HERC1: variants seen among roughly 807,000 people sequenced by gnomAD.
HERC1 encodes the protein HECT and RLD domain containing E3 ubiquitin protein ligase family member 1.
In HERC1, 160 loss-of-function variants were observed where a neutral mutation model predicts 554.3. The ratio of observed to expected loss-of-function variants is 0.29; its 90% CI spans 0.25 to 0.33. The LOEUF (loss-of-function observed/expected upper bound fraction) is 0.33. Ranked by LOEUF, HERC1 falls within the 10% of genes least tolerant of loss-of-function variation. The probability of loss-of-function intolerance (pLI) is 1.00; values close to 1 mark genes in which losing one functional copy is unlikely to be tolerated. For synonymous variants in HERC1, 2,175 were observed against 2,131.7 expected, an observed-to-expected ratio of 1.02 and a Z score of -0.56; for missense variants, 4,919 against 5,918.5, an observed-to-expected ratio of 0.83 and a Z score of 5.54.
chr15:63,694,392 T>C lies in HERC1; in HGVS notation c.5400A>G (p.Pro1800=). The change falls in exon 29 of 78, where the codon CCA becomes CCG. Residue 1800 remains proline (P), a synonymous_variant. Coordinates refer to ENST00000443617, the MANE Select transcript of HERC1 (RefSeq NM_003922.4). This position sits in a 1 kb window ranked among gnomAD's most constrained non-coding sequence, Gnocchi z 4.3. ...TMLGQPLQLL[P]KTGVSQLSTA... is the part of the protein sequence containing the mutation. ...TGCTAAGCTGGGAAACACCCGTCTTTGGCAACAACTGCAGGGGCTGTCCTA... is the reference window on the plus strand; with the variant it reads ...TGCTAAGCTGGGAAACACCCGTCTTCGGCAACAACTGCAGGGGCTGTCCTA... 6.2e-7 allele frequency: 1 copy of C among 1,613,996 alleles called. No individual in the cohort carries two copies. Among genetic ancestry groups the C allele is most frequent in the African/African-American group, 1.3e-5 (1 of 75,054 alleles).
intron 40 of HERC1, among the ~76,000 whole-genome samples, chr15:63,667,959 T>C (rs1213969679): frequency 6.6e-6 from 1 of 152,220 alleles, no homozygotes; most frequent in Admixed American, 6.5e-5. Context: ...TAAATATATC[T>C]TCTCATCTTT....
chr15:63,717,836 C>T (rs940819465), intron 21 of HERC1, among the ~76,000 whole-genome samples: 12 of 152,110 alleles, frequency 7.9e-5, no homozygotes, highest in African/African-American at 1.9e-4. Context: ...CATGCCACTG[C>T]GCTCCAGCCT....
intron 62 of HERC1, 38 bp downstream of exon 62, chr15:63,638,669 TTGAC>T: frequency 1.3e-6 from 2 of 1,592,236 alleles, no homozygotes; most frequent in Non-Finnish European, 1.7e-6. Flanking sequence ...AATCAAAACA[TTGAC>T]TGAGAACCAT....
At chr15:63,638,571 T>A (rs1250672736) in intron 62 of HERC1, 35 bp from the exon 63 acceptor site, 2 of 1,613,356 alleles carry the variant, frequency 1.2e-6, no homozygotes, top group Admixed American at 3.3e-5. Context: ...ATTAGAGTCA[T>A]CCATTCACTC....
At position 63,639,935 on chromosome 15, in the gene HERC1, A is replaced by C. The variant is rs1335804114; in HGVS notation, c.11901+217T>G. 2.0e-5 allele frequency among the ~76,000 whole-genome samples: 3 copies of C among 152,234 alleles called. No homozygotes were observed. The East Asian group carries it at 5.8e-4, about 29-fold the overall frequency. On this transcript the variant is annotated intron_variant, in intron 61 of 77. Transcript: ENST00000443617. ...TATGTCATTGAGAGGTGGCAGGTTT[A>C]CAAGAGTTCAACAGTGCTTACATTA...
rs760564287 is a variant in HERC1, at chr15:63,609,163, T to C, written c.14504A>G (p.Asn4835Ser). The C allele has an allele frequency of 1.2e-6, 2 of 1,613,924 alleles. No individual in the cohort carries two copies. Among genetic ancestry groups the C allele is most frequent in the South Asian group, 1.1e-5 (1 of 91,036 alleles). The part of the protein sequence containing the change: ...VMAERLRYAI[N>S]NCRSIDMDNY... ...GTCCATGTCGATTGAGCGGCAGTTGTTGATGGCATAGCGCAGGCGCTCGGC... is the reference window on the plus strand; with the variant it reads ...GTCCATGTCGATTGAGCGGCAGTTGCTGATGGCATAGCGCAGGCGCTCGGC... The change falls in exon 78 of 78, where the codon AAC becomes AGC. Residue 4835 changes from asparagine (N) to serine (S), a missense_variant. Coordinates refer to ENST00000443617, the MANE Select transcript of HERC1 (RefSeq NM_003922.4).
rs2073667311 is a variant in HERC1, at chr15:63,718,455, T to C, written c.3978+119A>G. On this transcript the variant is annotated intron_variant, in intron 21 of 77. Coordinates refer to ENST00000443617, the MANE Select transcript of HERC1 (RefSeq NM_003922.4). This position sits in a 1 kb window ranked among gnomAD's most constrained non-coding sequence, Gnocchi z 4.2. Reference sequence around the variant, plus strand: ...TTTTTTCTGCTAGGAAAAGAACTACTCAACATGTATTGAACATATGCAATA... The same window carrying C: ...TTTTTTCTGCTAGGAAAAGAACTACCCAACATGTATTGAACATATGCAATA... 1.2e-6 allele frequency: 1 copy of C among 848,618 alleles called. No homozygotes were observed. The highest frequency in any genetic ancestry group is 1.7e-5 in the African/African-American group (1 of 57,906). 52.6% of individuals were successfully genotyped at this position (848,618 alleles called of 1,614,324 possible).
Position 63,745,455 on chromosome 15 carries a change from C to T in HERC1, c.2520+1463G>A, listed in dbSNP as rs1596136494. On this transcript the variant is annotated intron_variant, in intron 12 of 77. Coordinates refer to ENST00000443617, the MANE Select transcript of HERC1 (RefSeq NM_003922.4). Reference sequence around the variant, plus strand: ...TGGATCACTGGGATCAGCAGTTCCCCTCTGGCTAGGGTTGGTTTAAATGCT... The same window carrying T: ...TGGATCACTGGGATCAGCAGTTCCCTTCTGGCTAGGGTTGGTTTAAATGCT... Among the ~76,000 whole-genome samples the T allele has an allele frequency of 2.0e-5, 3 of 152,354 alleles. No individual in the cohort carries two copies. The South Asian group carries it at 6.2e-4, about 32-fold the overall frequency.
Position 63,641,571 on chromosome 15 carries a change from A to G in HERC1, c.11506T>C (p.Leu3836=), listed in dbSNP as rs374945183. ...NHVLATCRTA[L]KQQGVLGLNM... is the part of the protein sequence containing the mutation. ...AATCCCAGAACACCCTGCTGTTTCAATGCTGTCCTACAGGTTGCCAAAACA... is the reference window on the plus strand; with the variant it reads ...AATCCCAGAACACCCTGCTGTTTCAGTGCTGTCCTACAGGTTGCCAAAACA... The change falls in exon 60 of 78, where the codon TTG becomes CTG. Residue 3836 remains leucine (L), a synonymous_variant. Coordinates refer to ENST00000443617, the MANE Select transcript of HERC1 (RefSeq NM_003922.4). The G allele has an allele frequency of 2.1e-5, 33 of 1,606,964 alleles. No homozygotes were observed. The highest frequency in any genetic ancestry group is 8.9e-5 in the South Asian group (8 of 89,874).
intron 8 of HERC1, chr15:63,752,731 A>G (rs2075292994): frequency 5.0e-6 from 2 of 397,952 alleles, no homozygotes; most frequent in South Asian, 1.0e-4. Context: ...TCAGTTTAAT[A>G]CAAAGAACAG....
chr15:63,698,726 A>C lies in HERC1; in HGVS notation c.4905+2T>G. On this transcript the variant is annotated splice_donor_variant, in intron 26 of 77. Coordinates refer to ENST00000443617, the MANE Select transcript of HERC1 (RefSeq NM_003922.4). LOFTEE classifies it high-confidence loss of function. ...CATAAGGAGTAAATATCAAAGACTT[A>C]CTTCTGCCCTTAACTGCTGCTGTTC... 6.2e-7 allele frequency: 1 copy of C among 1,611,798 alleles called. No individual in the cohort carries two copies.
At position 63,680,824 on chromosome 15, in the gene HERC1, A is replaced by G. The variant is rs749591713; in HGVS notation, c.6226-48T>C. 13 of 1,346,264 alleles carry G rather than the reference A, an allele frequency of 9.7e-6. No homozygotes were observed. The highest frequency in any genetic ancestry group is 1.9e-4 in the Middle Eastern group (1 of 5,386). The allele number at this position is 1,346,264 out of a possible 1,614,324, so 83.4% of individuals were successfully genotyped here. A position where few individuals can be genotyped will look rare whatever the true frequency, so the allele number is the denominator to read the frequency against. On this transcript the variant is annotated intron_variant, in intron 34 of 77. Coordinates refer to ENST00000443617, the MANE Select transcript of HERC1 (RefSeq NM_003922.4). The surrounding 1 kb of genome is among the most constrained non-coding windows in gnomAD (Gnocchi z 5.8). ...ATTAATACTCAAAAAATCTATTTAT[A>G]TACTATTAACTGCATTAACCAATAC...
At chr15:63,829,211 G>A (rs1257182289) in intron 1 of HERC1, among the ~76,000 whole-genome samples, 2 of 151,860 alleles carry the variant, frequency 1.3e-5, no homozygotes, top group African/African-American at 4.8e-5. Flanking sequence ...TTGAGCTCAG[G>A]AGCTCAAGGC....
chr15:63,741,687 C>A (rs2074814742), intron 12 of HERC1, among the ~76,000 whole-genome samples: 1 of 152,118 alleles, frequency 6.6e-6, no homozygotes, highest in Non-Finnish European at 1.5e-5. Context: ...ATGTAAGGGG[C>A]CAACTTCATT....
chr15:63,789,382 G>A (rs1045239587), intron 1 of HERC1, among the ~76,000 whole-genome samples: 12 of 151,680 alleles, frequency 7.9e-5, no homozygotes, highest in African/African-American at 2.4e-4. Context: ...GAGCCACCGC[G>A]CCCGGCCAAA....
At chr15:63,706,667 C>A in intron 25 of HERC1, 113 bp downstream of exon 25, 1 of 558,308 alleles carries the variant, frequency 1.8e-6, no homozygotes. Context: ...ACAATCATAT[C>A]TAAATACATC....
At position 63,764,197 on chromosome 15, in the gene HERC1, A is replaced by G; in HGVS notation, c.931-6T>C. 1 of 1,591,030 alleles carries G rather than the reference A, an allele frequency of 6.3e-7. No homozygotes were observed. The highest frequency in any genetic ancestry group is 8.6e-7 in the Non-Finnish European group (1 of 1,162,830). On this transcript the variant is annotated splice_polypyrimidine_tract_variant and splice_region_variant and intron_variant, in intron 2 of 77. Coordinates refer to ENST00000443617, the MANE Select transcript of HERC1 (RefSeq NM_003922.4). ...CTCCGATCAGCAGATGAACCCTATA[A>G]TTAAAACATTGCGGGACACAGCGTA...
At chr15:63,679,824 G>A (rs2071387547) in intron 36 of HERC1, among the ~76,000 whole-genome samples, 1 of 152,098 alleles carries the variant, frequency 6.6e-6, no homozygotes, top group South Asian at 2.1e-4. Context: ...CCTAAACTAG[G>A]TCTTGTAGTT....
Position 63,671,283 on chromosome 15 carries a change from T to C in HERC1, c.8045+1213A>G, listed in dbSNP as rs1376971249. ...TACTCAGGAGACTGAGGCAGGAGGA[T>C]GGCTTGAATCTAGAAGACTTTGAGG... On this transcript the variant is annotated intron_variant, in intron 39 of 77. Transcript: ENST00000443617. Among the ~76,000 whole-genome samples the C allele has an allele frequency of 4.0e-5, 6 of 150,198 alleles. No individual in the cohort carries two copies. In the East Asian group the frequency reaches 1.2e-3, roughly 29 times the overall value.
Sources: allele counts gnomAD v4.1 joint callset (sites outside exome capture counted in the v4.1 genomes callset), GRCh38; gene constraint gnomAD v4.1.1; non-coding constraint Gnocchi (gnomAD v3.1); transcripts MANE v1.5; gene names NCBI Gene and HGNC (gene_info 2026-07-23, HGNC 2026-07-21).